The following CDH4 variants were observed in gnomAD, a reference collection of about 807,000 sequenced individuals.
The protein encoded by CDH4 is cadherin-4.
In CDH4, 33 loss-of-function variants were observed where a neutral mutation model predicts 86.0. That is an observed-to-expected ratio of 0.38 (90% confidence interval 0.29 to 0.51). CDH4 has a LOEUF of 0.51. Ranked by LOEUF, CDH4 falls within the 20% of genes least tolerant of loss-of-function variation. CDH4 has a pLI of 0.86. For synonymous variants in CDH4, 555 were observed against 549.4 expected (o/e 1.01, Z -0.14); for missense variants, 1,114 against 1,307.4 (o/e 0.85, Z 2.28).
intron 7 of CDH4, among the ~76,000 whole-genome samples, chr20:61,884,304 A>T (rs1984435460): frequency 6.6e-6 from 1 of 152,158 alleles, no homozygotes; most frequent in Non-Finnish European, 1.5e-5. Flanking sequence ...AGGGCAGCTG[A>T]GCAGAAGGTT....
At chr20:61,588,262 A>G (rs1037961824) in intron 2 of CDH4, among the ~76,000 whole-genome samples, 4 of 152,228 alleles carry the variant, frequency 2.6e-5, no homozygotes, top group African/African-American at 4.8e-5. Context: ...GGTTTCCAAG[A>G]TGGTTAAACC....
chr20:61,733,310 T>G (rs1030012042), intron 2 of CDH4, among the ~76,000 whole-genome samples: 4 of 152,084 alleles, frequency 2.6e-5, no homozygotes, highest in Admixed American at 2.6e-4. Context: ...GCCCACCAGG[T>G]TGGATCCCAG....
chr20:61,919,673 C>T (rs1600772315), intron 9 of CDH4, among the ~76,000 whole-genome samples: 1 of 151,982 alleles, frequency 6.6e-6, no homozygotes, highest in Admixed American at 6.6e-5. Flanking sequence ...ATGAAAGTTT[C>T]CAGGCATTCC....
intron 2 of CDH4, among the ~76,000 whole-genome samples, chr20:61,478,078 C>T (rs563626855): frequency 1.1e-4 from 17 of 152,268 alleles, no homozygotes; most frequent in Admixed American, 5.2e-4. Context: ...TGGCAGGGAT[C>T]GGAGCTGCTC....
At chr20:61,782,912 C>A (rs1978624610) in intron 4 of CDH4, among the ~76,000 whole-genome samples, 2 of 152,140 alleles carry the variant, frequency 1.3e-5, no homozygotes, top group South Asian at 2.1e-4. Context: ...GGTGAAACCC[C>A]ATCTCTACTA....
intron 2 of CDH4, among the ~76,000 whole-genome samples, chr20:61,355,328 A>G (rs934505274): frequency 6.6e-6 from 1 of 152,200 alleles, no homozygotes; most frequent in Non-Finnish European, 1.5e-5. Context: ...GTGGACTTAG[A>G]GGAAAATGAG....
chr20:61,580,938 T>TA (rs1384369926), intron 2 of CDH4, among the ~76,000 whole-genome samples: 7 of 152,224 alleles, frequency 4.6e-5, no homozygotes, highest in Non-Finnish European at 8.8e-5. Context: ...GACCTGAGGA[T>TA]AAGTCAGAGT....
chr20:61,737,298 C>T (rs887685220), intron 2 of CDH4, among the ~76,000 whole-genome samples: 5 of 152,144 alleles, frequency 3.3e-5, no homozygotes, highest in Non-Finnish European at 5.9e-5. Flanking sequence ...AGGAGGCCAG[C>T]GGTATGGGGC....
intron 2 of CDH4, among the ~76,000 whole-genome samples, chr20:61,256,102 T>C (rs2084096523): frequency 6.6e-6 from 1 of 152,208 alleles, no homozygotes; most frequent in Non-Finnish European, 1.5e-5. Context: ...TTAATTGCAC[T>C]GTGTATGTCA....
At position 61,743,747 on chromosome 20, in the gene CDH4, G is replaced by A. The variant is rs1301751982; in HGVS notation, c.354G>A (p.Arg118=). ...QTAEKWDAVV[R]LLVAQTSSPH... is the part of the protein sequence containing the mutation. ...CAGAGAAATGGGACGCCGTGGTGCG[G>A]TTGCTGGTGGCCCAGACCTCGTCCC... The change falls in exon 3 of 16, where the codon CGG becomes CGA. Residue 118 remains arginine (R), a synonymous_variant. Coordinates refer to ENST00000614565, the MANE Select transcript of CDH4 (RefSeq NM_001794.5). 2 of 1,609,926 alleles carry A rather than the reference G, an allele frequency of 1.2e-6. No individual in the cohort carries two copies. The highest frequency in any genetic ancestry group is 8.5e-7 in the Non-Finnish European group (1 of 1,178,590).
At chr20:61,262,073 A>G (rs1004326269) in intron 2 of CDH4, among the ~76,000 whole-genome samples, 5 of 152,178 alleles carry the variant, frequency 3.3e-5, no homozygotes, top group African/African-American at 9.7e-5. Context: ...AGCACGTTCC[A>G]TCTGAGCTGG....
chr20:61,446,494 C>T (rs1041553150), intron 2 of CDH4, among the ~76,000 whole-genome samples: 1 of 152,220 alleles, frequency 6.6e-6, no homozygotes, highest in Non-Finnish European at 1.5e-5. Context: ...TGTCATCAAA[C>T]GTTCATAGCT....
chr20:61,600,005 G>T, intron 2 of CDH4: 1 of 938,642 alleles, frequency 1.1e-6, no homozygotes, highest in Non-Finnish European at 1.3e-6. Context: ...CCGTGCTAAT[G>T]ATGGGGAAAG....
intron 2 of CDH4, among the ~76,000 whole-genome samples, chr20:61,638,868 A>G (rs1277854779): frequency 1.3e-5 from 2 of 152,178 alleles, no homozygotes; most frequent in East Asian, 3.9e-4. Context: ...GATCTCAGTG[A>G]GACTTCAGAT....
intron 2 of CDH4, among the ~76,000 whole-genome samples, chr20:61,586,322 C>T (rs917617555): frequency 6.6e-6 from 1 of 152,128 alleles, no homozygotes; most frequent in Non-Finnish European, 1.5e-5. Flanking sequence ...GACAACTGCA[C>T]CTAACACTCT....
At chr20:61,713,934 T>A (rs755153615) in intron 2 of CDH4, among the ~76,000 whole-genome samples, 2 of 152,210 alleles carry the variant, frequency 1.3e-5, no homozygotes, top group Non-Finnish European at 2.9e-5. Flanking sequence ...ATCAGATGTG[T>A]GTTCACCCCA....
chr20:61,425,284 C>T (rs991987665), intron 2 of CDH4, among the ~76,000 whole-genome samples: 6 of 152,072 alleles, frequency 3.9e-5, no homozygotes, highest in African/African-American at 9.7e-5. Context: ...GGGAGGGAGG[C>T]GGCCAGGACC....
chr20:61,852,647 C>G, intron 5 of CDH4, 107 bp from the exon 6 acceptor site: 2 of 1,202,442 alleles, frequency 1.7e-6, no homozygotes, highest in Non-Finnish European at 2.2e-6. Flanking sequence ...TATAGCCAAC[C>G]TGCTTCTGCC....
At position 61,543,533 on chromosome 20, in the gene CDH4, A is replaced by G. The variant is rs562808176; in HGVS notation, c.170-200030A>G. On this transcript the variant is annotated intron_variant, in intron 2 of 15. Coordinates refer to ENST00000614565, the MANE Select transcript of CDH4 (RefSeq NM_001794.5). ...ACAACCTTAATAGGATTCATTTGTTACTTATGACATTGCCAAACCAAGCAT... is the reference window on the plus strand; with the variant it reads ...ACAACCTTAATAGGATTCATTTGTTGCTTATGACATTGCCAAACCAAGCAT... Among the ~76,000 whole-genome samples, 60 of 152,354 alleles carry G rather than the reference A, an allele frequency of 3.9e-4. 1 individual carries two copies. In the South Asian group the frequency reaches 0.011, roughly 29 times the overall value.
Sources: allele counts gnomAD v4.1 joint callset (sites outside exome capture counted in the v4.1 genomes callset), GRCh38; gene constraint gnomAD v4.1.1; transcripts MANE v1.5; gene names NCBI Gene and HGNC (gene_info 2026-07-23, HGNC 2026-07-21).